HMX2: variants seen among roughly 807,000 people sequenced by gnomAD.
HMX2 encodes homeobox protein HMX2.
Under a neutral mutation model 21.2 loss-of-function variants are expected in HMX2, and 15 were observed. That is an observed-to-expected ratio of 0.71 (90% CI 0.47 to 1.09). HMX2 has a LOEUF of 1.09. Ranked by LOEUF, HMX2 falls within the 50% of genes least tolerant of loss-of-function variation. The pLI, the probability that HMX2 is intolerant of heterozygous loss-of-function variation, is 0.00. For synonymous variants in HMX2, 193 were observed against 181.0 expected (o/e 1.07, Z -0.53); for missense variants, 440 against 381.5 (o/e 1.15, Z -1.28).
Position 123,149,508 on chromosome 10 carries a change from C to G in HMX2, c.269-62C>G, listed in dbSNP as rs189574503. 4.0e-4 allele frequency: 547 copies of G among 1,351,026 alleles called. 1 individual carries two copies. In the African/African-American group the frequency reaches 7.2e-3, roughly 18 times the overall value. The allele number at this position is 1,351,026 out of a possible 1,614,324, so 83.7% of individuals were successfully genotyped here. ...GCCAACCGCTTGGTCCCAGGGAGAG[C>G]TGGCGGTCTCCGAGGCTCCCCAACC... On this transcript the variant is annotated intron_variant, in intron 1 of 1. Coordinates refer to ENST00000339992, the MANE Select transcript of HMX2 (RefSeq NM_005519.2). The surrounding 1 kb of genome is among the most constrained non-coding windows in gnomAD (Gnocchi z 5.4).
At position 123,149,971 on chromosome 10, in the gene HMX2, A is replaced by C; in HGVS notation, c.670A>C (p.Thr224Pro). Residue 224 changes from threonine to proline, a missense_variant, in exon 2 of 2, where the codon ACT becomes CCT. Physicochemically the swap from Thr to Pro is conservative, Grantham distance 38. Transcript: ENST00000339992. The surrounding 1 kb of genome is among the most constrained non-coding windows in gnomAD (Gnocchi z 5.4). ...AANMAHASAQ[T>P]LVSMPLVFRD... ...CAACATGGCGCACGCGTCGGCGCAG[A>C]CTCTGGTGAGCATGCCGCTGGTGTT... 1 of 1,611,668 alleles carries C rather than the reference A, an allele frequency of 6.2e-7. No individual in the cohort carries two copies. The highest frequency in any genetic ancestry group is 1.1e-5 in the South Asian group (1 of 90,920).
In HMX2 at chr10:123,148,557, G is replaced by T. The variant is rs745814794; in HGVS notation, c.179G>T (p.Trp60Leu). The change falls in exon 1 of 2, where the codon TGG becomes TTG. Residue 60 changes from tryptophan (W) to leucine (L), a missense_variant. Physicochemically the swap from Trp to Leu is moderately conservative, Grantham distance 61. Coordinates refer to ENST00000339992, the MANE Select transcript of HMX2 (RefSeq NM_005519.2). ...SSEEEEPDDG[W>L]KAPACFCPDQ... The stretch of plus-strand genomic sequence containing the variant: ...GAGGAGGAGGAGCCGGACGACGGCT[G>T]GAAGGCGCCCGCCTGCTTCTGCCCA... The T allele has an allele frequency of 9.9e-6, 16 of 1,613,086 alleles. No homozygotes were observed. The South Asian group carries it at 1.6e-4, about 17-fold the overall frequency.
In HMX2 at chr10:123,150,075, C is replaced by T; in HGVS notation, c.774C>T (p.Asn258=). The change falls in exon 2 of 2, where the codon AAC becomes AAT. Residue 258 remains asparagine, a synonymous_variant. Transcript: ENST00000339992. The surrounding 1 kb of genome is among the most constrained non-coding windows in gnomAD (Gnocchi z 4.2). The part of the protein sequence containing the change: ...FPAPLYYPGS[N]LSALPLYNLY... ...CGCCGCTCTACTACCCGGGAAGCAA[C>T]CTCTCGGCCTTACCTCTCTACAACC... 1 of 1,595,942 alleles carries T rather than the reference C, an allele frequency of 6.3e-7. No individual in the cohort carries two copies. Among genetic ancestry groups the T allele is most frequent in the South Asian group, 1.1e-5 (1 of 89,994 alleles).
rs762902897 is a variant in HMX2 at position 123,148,530 on chromosome 10, CG to C, written c.154del (p.Glu52ArgfsTer119). 4 of 1,612,946 alleles carry C rather than the reference CG, an allele frequency of 2.5e-6. No individual in the cohort carries two copies. The highest frequency in any genetic ancestry group is 3.4e-6 in the Non-Finnish European group (4 of 1,179,736). On this transcript the variant is annotated frameshift_variant, in exon 1 of 2. Transcript: ENST00000339992. LOFTEE classifies it high-confidence loss of function. ...AGGAAGCGCAGCCTGTCCGTGTCCTCGGAGGAGGAGGAGCCGGACGACGGCT... is the reference window on the plus strand; with the variant it reads ...AGGAAGCGCAGCCTGTCCGTGTCCTCGAGGAGGAGGAGCCGGACGACGGCT... Reference protein sequence around the residue: ...PARKRSLSVSSEEEEPDDGWK... With the variant: ...PARKRSLSVSXEEEEPDDGWK...
In HMX2 at chr10:123,149,874, C is replaced by T. The variant is rs747278074; in HGVS notation, c.573C>T (p.Thr191=). The part of the protein sequence containing the change: ...CLASSLQLTE[T]QVKTWFQNRR... ...CCTCCAGCCTGCAGCTCACGGAGACCCAGGTAAAGACTTGGTTCCAGAACC... is the reference window on the plus strand; with the variant it reads ...CCTCCAGCCTGCAGCTCACGGAGACTCAGGTAAAGACTTGGTTCCAGAACC... Residue 191 remains threonine (T), a synonymous_variant, in exon 2 of 2, where the codon ACC becomes ACT. Coordinates refer to ENST00000339992, the MANE Select transcript of HMX2 (RefSeq NM_005519.2). The surrounding 1 kb of genome is among the most constrained non-coding windows in gnomAD (Gnocchi z 5.4). The T allele has an allele frequency of 9.3e-6, 15 of 1,612,722 alleles. No homozygotes were observed. Among genetic ancestry groups the T allele is most frequent in the Admixed American group, 3.3e-5 (2 of 60,008 alleles).
In HMX2 at chr10:123,150,032, G is replaced by T; in HGVS notation, c.731G>T (p.Arg244Leu). The T allele has an allele frequency of 6.2e-7, 1 of 1,606,150 alleles. No individual in the cohort carries two copies. ...TCGCTGCTGCGCGTGCCGGTGCCGC[G>T]CTCGCTCGCCTTTCCCGCGCCGCTC... The part of the protein sequence containing the change: ...DSSLLRVPVP[R>L]SLAFPAPLYY... The change falls in exon 2 of 2, where the codon CGC (arginine) becomes CTC (leucine). Residue 244 changes from arginine to leucine, a missense_variant. By Grantham distance (102) the Arg-to-Leu change is moderately radical. Transcript: ENST00000339992. The surrounding 1 kb of genome is among the most constrained non-coding windows in gnomAD (Gnocchi z 4.2).
rs139283037 is a variant in HMX2, at chr10:123,148,147, G to T, written c.-232G>T. ...CGGGCGAGGAAGGGGCATTTGCACC[G>T]GGGCTGGGCGGGCGCACCCAGAGCC... is the stretch of plus-strand genomic sequence containing the variant. On this transcript the variant is annotated 5_prime_UTR_variant, in exon 1 of 2. Coordinates refer to ENST00000339992, the MANE Select transcript of HMX2 (RefSeq NM_005519.2). 4,786 of 548,172 alleles carry T rather than the reference G, an allele frequency of 8.7e-3. 146 individuals are homozygous for T. Among genetic ancestry groups the T allele is most frequent in the East Asian group, 0.08 (2,372 of 29,590 alleles). 34.0% of individuals were successfully genotyped at this position (548,172 alleles called of 1,614,324 possible). A position where few individuals can be genotyped will look rare whatever the true frequency, so the allele number is the denominator to read the frequency against.
chr10:123,149,477 G>A lies in HMX2; in HGVS notation c.269-93G>A. 1 of 1,089,630 alleles carries A rather than the reference G, an allele frequency of 9.2e-7. No homozygotes were observed. Among genetic ancestry groups the A allele is most frequent in the Non-Finnish European group, 1.2e-6 (1 of 802,734 alleles). The allele number at this position is 1,089,630 out of a possible 1,614,324, so 67.5% of individuals were successfully genotyped here. On this transcript the variant is annotated intron_variant, in intron 1 of 1. Transcript: ENST00000339992. This position sits in a 1 kb window ranked among gnomAD's most constrained non-coding sequence, Gnocchi z 5.4. ...TGGTAAGGTGGGACCAAGGCTGCAGGCGCTTGCCAACCGCTTGGTCCCAGG... is the reference window on the plus strand; with the variant it reads ...TGGTAAGGTGGGACCAAGGCTGCAGACGCTTGCCAACCGCTTGGTCCCAGG...
rs545419914 is a variant in HMX2 at position 123,148,402 on chromosome 10, C to T, written c.24C>T (p.Gly8=). MGSKEDA[G]KGCPAAGGVS... Reference sequence around the variant, plus strand: ...GGATGGGCAGCAAAGAAGATGCGGGCAAGGGGTGTCCGGCGGCCGGTGGCG... The same window carrying T: ...GGATGGGCAGCAAAGAAGATGCGGGTAAGGGGTGTCCGGCGGCCGGTGGCG... Residue 8 remains glycine (G), a synonymous_variant, in exon 1 of 2, where the codon GGC becomes GGT. Transcript: ENST00000339992. 2 of 1,613,374 alleles carry T rather than the reference C, an allele frequency of 1.2e-6. No individual in the cohort carries two copies. Among genetic ancestry groups the T allele is most frequent in the South Asian group, 1.1e-5 (1 of 91,024 alleles).
rs1844221433 is a variant in HMX2, at chr10:123,148,298, G to A, written c.-81G>A. Reference sequence around the variant, plus strand: ...CCCCGCCCCTCCCCACTGCCTGCCTGCTGCACCACCTTCCACCCAGATCAC... The same window carrying A: ...CCCCGCCCCTCCCCACTGCCTGCCTACTGCACCACCTTCCACCCAGATCAC... On this transcript the variant is annotated 5_prime_UTR_variant, in exon 1 of 2. Transcript: ENST00000339992. 1 of 1,469,248 alleles carries A rather than the reference G, an allele frequency of 6.8e-7. No homozygotes were observed. The highest frequency in any genetic ancestry group is 2.4e-5 in the East Asian group (1 of 41,668). The allele number at this position is 1,469,248 out of a possible 1,614,324, so 91.0% of individuals were successfully genotyped here. A position where few individuals can be genotyped will look rare whatever the true frequency, so the allele number is the denominator to read the frequency against.
At position 123,149,963 on chromosome 10, in the gene HMX2, C is replaced by T. The variant is rs1219110588; in HGVS notation, c.662C>T (p.Ser221Leu). The T allele has an allele frequency of 2.5e-6, 4 of 1,611,748 alleles. No individual in the cohort carries two copies. The highest frequency in any genetic ancestry group is 3.4e-6 in the Non-Finnish European group (4 of 1,179,578). Residue 221 changes from serine to leucine, a missense_variant, in exon 2 of 2, where the codon TCG becomes TTG. Ser to Leu is a moderately radical substitution (Grantham distance 145). Transcript: ENST00000339992. The surrounding 1 kb of genome is among the most constrained non-coding windows in gnomAD (Gnocchi z 5.4). ...ELEAANMAHA[S>L]AQTLVSMPLV... Reference sequence around the variant, plus strand: ...GAGGCGGCCAACATGGCGCACGCGTCGGCGCAGACTCTGGTGAGCATGCCG... The same window carrying T: ...GAGGCGGCCAACATGGCGCACGCGTTGGCGCAGACTCTGGTGAGCATGCCG...
Position 123,149,932 on chromosome 10 carries a change from G to C in HMX2, c.631G>C (p.Glu211Gln). Residue 211 changes from glutamate to glutamine, a missense_variant, in exon 2 of 2, where the codon GAG becomes CAG. By Grantham distance (29) the Glu-to-Gln change is conservative. Coordinates refer to ENST00000339992, the MANE Select transcript of HMX2 (RefSeq NM_005519.2). The surrounding 1 kb of genome is among the most constrained non-coding windows in gnomAD (Gnocchi z 5.4). ...RNKWKRQLSA[E>Q]LEAANMAHAS... ...CAAGTGGAAGCGGCAGCTCTCGGCT[G>C]AGCTGGAGGCGGCCAACATGGCGCA... 6.2e-7 allele frequency: 1 copy of C among 1,612,320 alleles called. No individual in the cohort carries two copies. Among genetic ancestry groups the C allele is most frequent in the Non-Finnish European group, 8.5e-7 (1 of 1,179,708 alleles).
rs752047204 is a variant in HMX2, at chr10:123,150,029, C to G, written c.728C>G (p.Pro243Arg). The change falls in exon 2 of 2, where the codon CCG becomes CGG. Residue 243 changes from proline to arginine, a missense_variant. By Grantham distance (103) the Pro-to-Arg change is moderately radical. Coordinates refer to ENST00000339992, the MANE Select transcript of HMX2 (RefSeq NM_005519.2). This position sits in a 1 kb window ranked among gnomAD's most constrained non-coding sequence, Gnocchi z 4.2. ...AGTTCGCTGCTGCGCGTGCCGGTGC[C>G]GCGCTCGCTCGCCTTTCCCGCGCCG... Reference protein sequence around the residue: ...RDSSLLRVPVPRSLAFPAPLY... With the variant: ...RDSSLLRVPVRRSLAFPAPLY... 1 of 1,606,114 alleles carries G rather than the reference C, an allele frequency of 6.2e-7. No individual in the cohort carries two copies. The highest frequency in any genetic ancestry group is 1.3e-5 in the African/African-American group (1 of 74,824).
rs777849383 is a variant in HMX2 at position 123,148,553 on chromosome 10, G to C, written c.175G>C (p.Gly59Arg). ...VSSEEEEPDDGWKAPACFCPD... is the reference protein window; with the variant it reads ...VSSEEEEPDDRWKAPACFCPD... ...CTCGGAGGAGGAGGAGCCGGACGACGGCTGGAAGGCGCCCGCCTGCTTCTG... is the reference window on the plus strand; with the variant it reads ...CTCGGAGGAGGAGGAGCCGGACGACCGCTGGAAGGCGCCCGCCTGCTTCTG... The change falls in exon 1 of 2, where the codon GGC (glycine) becomes CGC (arginine). Residue 59 changes from glycine (G) to arginine (R), a missense_variant. Physicochemically the swap from Gly to Arg is moderately radical, Grantham distance 125 (BLOSUM62 -2). Coordinates refer to ENST00000339992, the MANE Select transcript of HMX2 (RefSeq NM_005519.2). 4.3e-6 allele frequency: 7 copies of C among 1,612,880 alleles called. No individual in the cohort carries two copies. The highest frequency in any genetic ancestry group is 4.2e-6 in the Non-Finnish European group (5 of 1,179,786).
chr10:123,150,363 GA>G lies in HMX2; in HGVS notation c.*244del. The G allele has an allele frequency of 2.6e-6, 1 of 378,458 alleles. No individual in the cohort carries two copies. The highest frequency in any genetic ancestry group is 4.7e-6 in the Non-Finnish European group (1 of 213,340). The allele number at this position is 378,458 out of a possible 1,614,324, so 23.4% of individuals were successfully genotyped here. A position where few individuals can be genotyped will look rare whatever the true frequency, so the allele number is the denominator to read the frequency against. The stretch of plus-strand genomic sequence containing the variant: ...TACCTAGACCGAACCAGTACGCTTT[GA>G]AAACCATTCGGAGTGAGATGTTCTC... On this transcript the variant is annotated 3_prime_UTR_variant, in exon 2 of 2. Transcript: ENST00000339992. The surrounding 1 kb of genome is among the most constrained non-coding windows in gnomAD (Gnocchi z 4.2).
Position 123,149,709 on chromosome 10 carries a change from G to A in HMX2, c.408G>A (p.Pro136=). The A allele has an allele frequency of 1.3e-6, 2 of 1,556,744 alleles. No individual in the cohort carries two copies. The highest frequency in any genetic ancestry group is 1.7e-6 in the Non-Finnish European group (2 of 1,157,424). ...AGSPSPGSER[P]RDGGAERQAG... ...CGCCCTCGCCGGGGTCCGAGCGGCC[G>A]CGGGACGGCGGCGCTGAGCGGCAGG... Residue 136 remains proline (P), a synonymous_variant, in exon 2 of 2, where the codon CCG becomes CCA. Transcript: ENST00000339992. The surrounding 1 kb of genome is among the most constrained non-coding windows in gnomAD (Gnocchi z 5.4).
Position 123,149,471 on chromosome 10 carries a change from C to A in HMX2, c.269-99C>A. The stretch of plus-strand genomic sequence containing the variant: ...GGGGATTGGTAAGGTGGGACCAAGG[C>A]TGCAGGCGCTTGCCAACCGCTTGGT... On this transcript the variant is annotated intron_variant, in intron 1 of 1. Transcript: ENST00000339992. This position sits in a 1 kb window ranked among gnomAD's most constrained non-coding sequence, Gnocchi z 5.4. 1 of 996,392 alleles carries A rather than the reference C, an allele frequency of 1.0e-6. No homozygotes were observed. The highest frequency in any genetic ancestry group is 1.4e-6 in the Non-Finnish European group (1 of 718,288). 61.7% of individuals were successfully genotyped at this position (996,392 alleles called of 1,614,324 possible). A position where few individuals can be genotyped will look rare whatever the true frequency, so the allele number is the denominator to read the frequency against.
chr10:123,150,313 T>C lies in HMX2; in HGVS notation c.*190T>C, dbSNP rs758798777. ...GATTGTTTCGGGTATTTATTGGCATTCCCTAAGTCAGAGAGCCTGCTTCCT... is the reference window on the plus strand; with the variant it reads ...GATTGTTTCGGGTATTTATTGGCATCCCCTAAGTCAGAGAGCCTGCTTCCT... On this transcript the variant is annotated 3_prime_UTR_variant, in exon 2 of 2. Transcript: ENST00000339992. This position sits in a 1 kb window ranked among gnomAD's most constrained non-coding sequence, Gnocchi z 4.2. 5.9e-4 allele frequency: 309 copies of C among 521,154 alleles called. No homozygotes were observed. Among genetic ancestry groups the C allele is most frequent in the Non-Finnish European group, 8.9e-4 (274 of 307,338 alleles). 32.3% of individuals were successfully genotyped at this position (521,154 alleles called of 1,614,324 possible).
Position 123,148,434 on chromosome 10 carries a change from G to C in HMX2, c.56G>C (p.Ser19Thr), listed in dbSNP as rs368195944. 1 of 1,613,278 alleles carries C rather than the reference G, an allele frequency of 6.2e-7. No homozygotes were observed. The highest frequency in any genetic ancestry group is 8.5e-7 in the Non-Finnish European group (1 of 1,179,694). ...TGTCCGGCGGCCGGTGGCGTCTCCA[G>C]CTTCACCATCCAGTCCATCCTGGGC... Reference protein sequence around the residue: ...KGCPAAGGVSSFTIQSILGGG... With the variant: ...KGCPAAGGVSTFTIQSILGGG... Residue 19 changes from serine (S) to threonine (T), a missense_variant, in exon 1 of 2, where the codon AGC (serine) becomes ACC (threonine). Ser to Thr is a moderately conservative substitution (Grantham distance 58). Coordinates refer to ENST00000339992, the MANE Select transcript of HMX2 (RefSeq NM_005519.2).
Sources: gnomAD v4.1 joint callset for allele counts on GRCh38, gnomAD v4.1.1 for gene constraint, Gnocchi (gnomAD v3.1) non-coding constraint, MANE v1.5 for transcripts, NCBI Gene and HGNC (gene_info 2026-07-23, HGNC 2026-07-21) for gene names.